Variants in SLC16A2 observed in about 807,000 individuals in gnomAD.
SLC16A2 encodes monocarboxylate transporter 8.
A neutral mutation model predicts 27.2 loss-of-function variants in SLC16A2; 3 were observed. That is an observed-to-expected ratio of 0.11 (90% CI 0.05 to 0.28). SLC16A2 has a LOEUF of 0.28. SLC16A2 is among the 10% of genes least tolerant of loss of function. The probability of loss-of-function intolerance (pLI) is 1.00; values close to 1 mark genes in which losing one functional copy is unlikely to be tolerated. For missense variants in SLC16A2, 295 were observed against 458.5 expected (o/e 0.64, Z 3.26); for synonymous variants, 202 against 187.8 (o/e 1.08, Z -0.62).
chrX:74,508,745 G>T (rs926627111), intron 1 of SLC16A2, among the ~76,000 whole-genome samples: 1 of 110,937 alleles, frequency 9.0e-6, no homozygotes, highest in African/African-American at 3.3e-5. Context: ...TACATGTGAA[G>T]ATATGTTACA....
intron 1 of SLC16A2, among the ~76,000 whole-genome samples, chrX:74,514,156 A>C (rs952409617): frequency 9.1e-6 from 1 of 110,446 alleles, no homozygotes; most frequent in Non-Finnish European, 1.9e-5. Flanking sequence ...GAAAGTTGGG[A>C]TCTAAGAAAA....
chrX:74,476,376 G>A (rs1450414362), intron 1 of SLC16A2, among the ~76,000 whole-genome samples: 4 of 111,918 alleles, frequency 3.6e-5, no homozygotes, highest in Non-Finnish European at 7.5e-5. Flanking sequence ...GGAGATTTTG[G>A]TCTGAGACAA....
At chrX:74,496,833 G>A (rs1420474194) in intron 1 of SLC16A2, among the ~76,000 whole-genome samples, 1 of 112,079 alleles carries the variant, frequency 8.9e-6, no homozygotes, top group East Asian at 2.8e-4. Context: ...CCTGGAGTCG[G>A]GTCGCTCAGT....
At chrX:74,461,411 T>A (rs1317114550) in intron 1 of SLC16A2, among the ~76,000 whole-genome samples, 14 of 108,876 alleles carry the variant, frequency 1.3e-4, no homozygotes, top group Non-Finnish European at 2.3e-4. Flanking sequence ...AGAGAGAGTG[T>A]GTGTGTGTGT....
Position 74,529,404 on chromosome X carries a change from G to T in SLC16A2, c.1362G>T (p.Met454Ile), listed in dbSNP as rs1205648195. The part of the protein sequence containing the change: ...ASQAIGYLLG[M>I]MALPMIAGPP... ...AGGCCATTGGCTACCTCCTGGGCATGATGGCCCTGCCAATGATTGCTGGGC... is the reference window on the plus strand; with the variant it reads ...AGGCCATTGGCTACCTCCTGGGCATTATGGCCCTGCCAATGATTGCTGGGC... The change falls in exon 5 of 6, where the codon ATG becomes ATT. Residue 454 changes from methionine (M) to isoleucine (I), a missense_variant. Met to Ile is a conservative substitution (Grantham distance 10, BLOSUM62 1). This residue lies in a region of SLC16A2 where 144 missense variants were observed against 219.8 expected (regional missense o/e 0.66). Transcript: ENST00000587091. 8.4e-7 allele frequency: 1 copy of T among 1,189,931 alleles called. No individual in the cohort carries two copies. The highest frequency in any genetic ancestry group is 1.1e-6 in the Non-Finnish European group (1 of 883,493).
intron 1 of SLC16A2, among the ~76,000 whole-genome samples, chrX:74,516,442 T>G (rs1454211867): frequency 3.6e-5 from 4 of 111,695 alleles, no homozygotes; most frequent in African/African-American, 1.3e-4. Context: ...AGGAAATATT[T>G]AAGATAATTT....
chrX:74,493,228 G>A (rs1335241712), intron 1 of SLC16A2, among the ~76,000 whole-genome samples: 2 of 112,202 alleles, frequency 1.8e-5, no homozygotes, highest in Non-Finnish European at 3.8e-5. Flanking sequence ...GTGGGAGTAG[G>A]GTGTGCCACA....
intron 1 of SLC16A2, 94 bp from the exon 2 acceptor site, chrX:74,520,896 C>T (rs1930395573): frequency 5.0e-6 from 5 of 1,009,552 alleles, no homozygotes; most frequent in Non-Finnish European, 7.0e-6. Context: ...TGCAATGCCC[C>T]CTGTGAAAGG....
chrX:74,482,243 T>C (rs1929634435), intron 1 of SLC16A2, among the ~76,000 whole-genome samples: 1 of 112,186 alleles, frequency 8.9e-6, no homozygotes, highest in Admixed American at 9.5e-5. Flanking sequence ...GGTTTTTGGC[T>C]TCTGACATTT....
At chrX:74,529,982 G>A (rs758423043) in intron 5 of SLC16A2, among the ~76,000 whole-genome samples, 1 of 109,172 alleles carries the variant, frequency 9.2e-6, no homozygotes, top group Non-Finnish European at 1.9e-5. Flanking sequence ...CCATCTTTCA[G>A]CACTCCTGGT....
At chrX:74,441,643 AC>A (rs1335884874) in intron 1 of SLC16A2, among the ~76,000 whole-genome samples, 1 of 111,227 alleles carries the variant, frequency 9.0e-6, no homozygotes, top group Admixed American at 9.5e-5. Context: ...AACAGTGGAA[AC>A]TTTCCAGGGC....
At chrX:74,439,430 C>T (rs942753466) in intron 1 of SLC16A2, among the ~76,000 whole-genome samples, 2 of 103,210 alleles carry the variant, frequency 1.9e-5, no homozygotes, top group Admixed American at 1.1e-4. Flanking sequence ...CCACCTCAGC[C>T]TCCTTGTGTA....
intron 1 of SLC16A2, chrX:74,476,847 A>T (rs1244599018): frequency 9.0e-6 from 1 of 111,585 alleles, no homozygotes; most frequent in African/African-American, 3.3e-5. Flanking sequence ...CATGATGGAT[A>T]AGCTTTTTGA....
intron 1 of SLC16A2, among the ~76,000 whole-genome samples, chrX:74,491,182 C>A (rs954276847): frequency 8.9e-6 from 1 of 112,218 alleles, no homozygotes; most frequent in African/African-American, 3.2e-5. Context: ...CGTGACACAG[C>A]CCTCAGAAGG....
chrX:74,503,539 C>T (rs1480395110), intron 1 of SLC16A2, among the ~76,000 whole-genome samples: 1 of 111,307 alleles, frequency 9.0e-6, no homozygotes, highest in African/African-American at 3.3e-5. Context: ...CCTGATGTTC[C>T]AATCTCATAG....
At chrX:74,449,689 C>G (rs1292927623) in intron 1 of SLC16A2, among the ~76,000 whole-genome samples, 1 of 111,471 alleles carries the variant, frequency 9.0e-6, no homozygotes, top group African/African-American at 3.3e-5. Context: ...AGCATCTGTG[C>G]GACTTCTCAG....
At chrX:74,459,778 G>A (rs1416116030) in intron 1 of SLC16A2, among the ~76,000 whole-genome samples, 1 of 111,369 alleles carries the variant, frequency 9.0e-6, no homozygotes, top group Non-Finnish European at 1.9e-5. Flanking sequence ...CCAGACTCGG[G>A]TGATTAAGAA....
At position 74,421,819 on chromosome X, in the gene SLC16A2, C is replaced by A; in HGVS notation, c.182C>A (p.Pro61His). Residue 61 changes from proline (P) to histidine (H), a missense_variant, in exon 1 of 6, where the codon CCC (proline) becomes CAC (histidine). By Grantham distance (77) the Pro-to-His change is moderately conservative. Coordinates refer to ENST00000587091, the MANE Select transcript of SLC16A2 (RefSeq NM_006517.5). ...PQPEPQPLPD[P>H]APLPELEFES... Reference sequence around the variant, plus strand: ...CCGGAGCCCCAGCCCCTACCGGACCCCGCACCCCTGCCGGAGCTGGAGTTC... The same window carrying A: ...CCGGAGCCCCAGCCCCTACCGGACCACGCACCCCTGCCGGAGCTGGAGTTC... 1 of 1,182,621 alleles carries A rather than the reference C, an allele frequency of 8.5e-7. No homozygotes were observed. The highest frequency in any genetic ancestry group is 2.8e-4 in the Middle Eastern group (1 of 3,529).
intron 1 of SLC16A2, among the ~76,000 whole-genome samples, chrX:74,429,411 G>C (rs957403090): frequency 9.2e-6 from 1 of 108,950 alleles, no homozygotes; most frequent in Non-Finnish European, 1.9e-5. Flanking sequence ...GGTTGACGTT[G>C]CAATGAGCCA....
Sources: allele counts gnomAD v4.1 joint callset (sites outside exome capture counted in the v4.1 genomes callset), GRCh38; gene constraint gnomAD v4.1.1; regional missense constraint gnomAD v4.1.1; transcripts MANE v1.5; gene names NCBI Gene and HGNC (gene_info 2026-07-23, HGNC 2026-07-21).